The following ARID5B variants were observed in gnomAD, a reference collection of about 807,000 sequenced individuals.
ARID5B encodes the protein AT-rich interaction domain 5B.
ARID5B carries 13 observed loss-of-function variants against 97.2 expected under a neutral mutation model. The ratio of observed to expected loss-of-function variants is 0.13; its 90% CI spans 0.09 to 0.21. The LOEUF is 0.21. Among genes scored for constraint, ARID5B ranks in the 10% least tolerant of loss-of-function variants. The pLI is 1.00. For missense variants in ARID5B, 1,210 were observed against 1,465.3 expected (o/e 0.83, Z 2.84); for synonymous variants, 556 against 570.3 (o/e 0.97, Z 0.36).
intron 2 of ARID5B, among the ~76,000 whole-genome samples, chr10:61,903,172 A>ACGGGGG (rs1339423341): frequency 2.6e-5 from 4 of 151,364 alleles, no homozygotes; most frequent in Non-Finnish European, 5.9e-5. Context: ...GGTGTGTGGG[A>ACGGGGG]CGGGGGCGGG....
chr10:62,092,042 A>T lies in ARID5B; in HGVS notation c.2579A>T (p.Asp860Val). The change falls in exon 10 of 10, where the codon GAC becomes GTC. Residue 860 changes from aspartate (D) to valine (V), a missense_variant. Coordinates refer to ENST00000279873, the MANE Select transcript of ARID5B (RefSeq NM_032199.3). ...CAGACATCCAAATACCCTTCCAGGG[A>T]CATGTACAGGGAATCGGAAAACAGT... ...NEQTSKYPSRDMYRESENSSF... is the reference protein window; with the variant it reads ...NEQTSKYPSRVMYRESENSSF... 6.2e-7 allele frequency: 1 copy of T among 1,614,162 alleles called. No individual in the cohort carries two copies. The highest frequency in any genetic ancestry group is 8.5e-7 in the Non-Finnish European group (1 of 1,180,026).
chr10:62,049,396 T>G, intron 4 of ARID5B: 1 of 1,549,706 alleles, frequency 6.5e-7, no homozygotes, highest in Non-Finnish European at 8.7e-7. Context: ...AAGTCGAGAC[T>G]TCCAGGGATG....
At chr10:61,955,589 T>C (rs1374595075) in intron 3 of ARID5B, among the ~76,000 whole-genome samples, 1 of 152,230 alleles carries the variant, frequency 6.6e-6, no homozygotes, top group African/African-American at 2.4e-5. Flanking sequence ...TACAAGATTT[T>C]AGTAATGTCA....
chr10:62,047,420 C>G (rs1839724358), intron 4 of ARID5B, among the ~76,000 whole-genome samples: 1 of 152,176 alleles, frequency 6.6e-6, no homozygotes, highest in African/African-American at 2.4e-5. Flanking sequence ...GTAAAAGTAA[C>G]AGTACGTCTA....
chr10:61,924,100 A>T (rs559436736), intron 2 of ARID5B, among the ~76,000 whole-genome samples: 110 of 152,330 alleles, frequency 7.2e-4, no homozygotes, highest in African/African-American at 2.6e-3. Flanking sequence ...ACCTGCAAGG[A>T]TGCAGAGCAC....
rs140019989 is a variant in ARID5B at position 62,091,801 on chromosome 10, C to A, written c.2338C>A (p.Arg780=). The change falls in exon 10 of 10, where the codon CGA becomes AGA. Residue 780 remains arginine, a synonymous_variant. Transcript: ENST00000279873. ...NDIFKHEKLS[R]SDPHRCSFSK... is the part of the protein sequence containing the mutation. The stretch of plus-strand genomic sequence containing the variant: ...CATCTTTAAGCATGAGAAACTGAGT[C>A]GATCAGATCCCCACCGCTGCAGCTT... 9 of 1,613,894 alleles carry A rather than the reference C, an allele frequency of 5.6e-6. No homozygotes were observed. Among genetic ancestry groups the A allele is most frequent in the Non-Finnish European group, 6.8e-6 (8 of 1,180,010 alleles).
intron 3 of ARID5B, among the ~76,000 whole-genome samples, chr10:61,999,045 C>T (rs1839040789): frequency 6.6e-6 from 1 of 152,202 alleles, no homozygotes; most frequent in South Asian, 2.1e-4. Context: ...CAGTGGTACA[C>T]TGGGTCTTAA....
At chr10:62,024,751 G>A (rs889622525) in intron 4 of ARID5B, 1 of 394,980 alleles carries the variant, frequency 2.5e-6, no homozygotes, top group African/African-American at 2.1e-5. Context: ...ATCTAGAAAA[G>A]TTTTCACGGG....
chr10:61,949,696 A>T (rs917375930), intron 3 of ARID5B, among the ~76,000 whole-genome samples: 1 of 152,162 alleles, frequency 6.6e-6, no homozygotes, highest in Non-Finnish European at 1.5e-5. Flanking sequence ...GTGAATTCAT[A>T]ATTTTGTTTT....
chr10:61,956,962 G>T (rs546970396), intron 3 of ARID5B, among the ~76,000 whole-genome samples: 1 of 152,258 alleles, frequency 6.6e-6, no homozygotes, highest in South Asian at 2.1e-4. Context: ...ATCTCACTCT[G>T]TTGGGATCAT....
chr10:62,086,632 C>G (rs531812544), intron 9 of ARID5B, among the ~76,000 whole-genome samples: 20 of 138,676 alleles, frequency 1.4e-4, no homozygotes, highest in African/African-American at 5.3e-4. Flanking sequence ...ACCTGGGAGG[C>G]AGAGCTTGCA....
chr10:62,028,956 C>CAA (rs60831618), intron 4 of ARID5B, among the ~76,000 whole-genome samples: 6 of 95,320 alleles, frequency 6.3e-5, no homozygotes, highest in African/African-American at 1.7e-4. Flanking sequence ...GACTCTGTCT[C>CAA]AAAAAAAAAA....
intron 3 of ARID5B, among the ~76,000 whole-genome samples, chr10:61,967,797 G>A (rs562642842): frequency 3.2e-4 from 49 of 152,192 alleles, no homozygotes; most frequent in African/African-American, 1.2e-3. Context: ...AAAATATAAT[G>A]CTGGCATTTT....
chr10:62,024,356 C>G, intron 4 of ARID5B, among the ~76,000 whole-genome samples: 1 of 152,224 alleles, frequency 6.6e-6, no homozygotes, highest in Non-Finnish European at 1.5e-5. Context: ...GTCTTTGTAG[C>G]AGCCAGTGAT....
At chr10:62,053,265 A>G (rs1839814441) in intron 5 of ARID5B, among the ~76,000 whole-genome samples, 2 of 152,222 alleles carry the variant, frequency 1.3e-5, no homozygotes, top group Admixed American at 6.5e-5. Flanking sequence ...CCTCAAACAG[A>G]CCATTTCTAA....
chr10:61,979,270 A>G (rs986261881), intron 3 of ARID5B, among the ~76,000 whole-genome samples: 1 of 152,216 alleles, frequency 6.6e-6, no homozygotes, highest in African/African-American at 2.4e-5. Context: ...AACTTTTGGC[A>G]TTGTGGAACA....
chr10:62,035,870 G>A (rs780166255), intron 4 of ARID5B, among the ~76,000 whole-genome samples: 6 of 152,104 alleles, frequency 3.9e-5, no homozygotes, highest in Non-Finnish European at 8.8e-5. Context: ...TGTCACCCAG[G>A]CTGGAGTGCA....
intron 4 of ARID5B, among the ~76,000 whole-genome samples, chr10:62,040,495 G>A (rs538649818): frequency 2.0e-5 from 3 of 152,122 alleles, no homozygotes; most frequent in African/African-American, 7.2e-5. Context: ...ATCTTGTTCT[G>A]TCTGCTCCTT....
At chr10:61,984,255 T>C (rs1396985805) in intron 3 of ARID5B, among the ~76,000 whole-genome samples, 3 of 152,152 alleles carry the variant, frequency 2.0e-5, no homozygotes, top group African/African-American at 7.2e-5. Context: ...TCTCCATCAA[T>C]GGAGGATAGG....
Sources: gnomAD v4.1 joint callset for allele counts (sites outside exome capture counted in the v4.1 genomes callset) on GRCh38, gnomAD v4.1.1 for gene constraint, MANE v1.5 for transcripts, NCBI Gene and HGNC (gene_info 2026-07-23, HGNC 2026-07-21) for gene names.